Variants in DCAF5 observed in about 807,000 individuals in gnomAD.
DCAF5 encodes the protein DDB1 and CUL4 associated factor 5.
Under a neutral mutation model 80.7 loss-of-function variants are expected in DCAF5, and 9 were observed. The ratio of observed to expected loss-of-function variants is 0.11; its 90% CI spans 0.07 to 0.19. The LOEUF is 0.19. Among genes scored for constraint, DCAF5 ranks in the 10% least tolerant of loss-of-function variants. DCAF5 has a pLI of 1.00. For synonymous variants in DCAF5, 433 were observed against 461.9 expected, an observed-to-expected ratio of 0.94 and a Z score of 0.80; for missense variants, 842 against 1,205.7, an observed-to-expected ratio of 0.70 and a Z score of 4.47.
intron 6 of DCAF5, among the ~76,000 whole-genome samples, chr14:69,077,588 G>A (rs901823440): frequency 2.6e-5 from 4 of 151,966 alleles, no homozygotes; most frequent in Admixed American, 2.0e-4. Flanking sequence ...CCATTGCCCA[G>A]GCTGGTCTCA....
intron 6 of DCAF5, chr14:69,083,811 T>C: frequency 1.4e-6 from 1 of 716,394 alleles, no homozygotes; most frequent in Non-Finnish European, 2.6e-6. Context: ...GTGCCAAGTC[T>C]CCTAAAGAAA....
At chr14:69,070,281 T>C (rs1233275993) in intron 7 of DCAF5, among the ~76,000 whole-genome samples, 1 of 152,198 alleles carries the variant, frequency 6.6e-6, no homozygotes, top group Non-Finnish European at 1.5e-5. Context: ...CCTACCAACC[T>C]TTCCCACACA....
chr14:69,098,676 G>T (rs573090481), intron 5 of DCAF5, among the ~76,000 whole-genome samples: 1 of 136,772 alleles, frequency 7.3e-6, no homozygotes, highest in East Asian at 2.2e-4. Flanking sequence ...GAGGTCAGGA[G>T]ATCAAGACCA....
chr14:69,129,830 G>A (rs978500971), intron 1 of DCAF5, among the ~76,000 whole-genome samples: 8 of 152,206 alleles, frequency 5.3e-5, no homozygotes, highest in Non-Finnish European at 8.8e-5. Context: ...AAGACAAGCA[G>A]AGGCCAGGCC....
At chr14:69,138,822 A>G (rs1334626299) in intron 1 of DCAF5, among the ~76,000 whole-genome samples, 7 of 152,156 alleles carry the variant, frequency 4.6e-5, no homozygotes, top group African/African-American at 1.7e-4. Context: ...CAGGACTCCA[A>G]CCAGATCACT....
chr14:69,069,621 TTTCG>T, intron 7 of DCAF5, among the ~76,000 whole-genome samples: 1 of 152,252 alleles, frequency 6.6e-6, no homozygotes, highest in East Asian at 1.9e-4. Flanking sequence ...TCTTTCTTTC[TTTCG>T]TTCTTTTCTT....
chr14:69,059,787 C>T (rs1468913349), intron 8 of DCAF5, among the ~76,000 whole-genome samples: 2 of 152,190 alleles, frequency 1.3e-5, no homozygotes, highest in East Asian at 3.8e-4. Flanking sequence ...TCACTATGAT[C>T]ATCTGTACAT....
Position 69,051,217 on chromosome 14 carries a change from A to C in DCAF5, c.*2640T>G, listed in dbSNP as rs2037749569. The stretch of plus-strand genomic sequence containing the variant: ...TGTACAGAATGCAGGAAAAAAACAT[A>C]AGAGGCACTTCCAAATAGTTCTTGA... On this transcript the variant is annotated 3_prime_UTR_variant, in exon 9 of 9. Transcript: ENST00000341516. 1 of 152,670 alleles carries C rather than the reference A, an allele frequency of 6.6e-6. No individual in the cohort carries two copies. Among genetic ancestry groups the C allele is most frequent in the African/African-American group, 2.4e-5 (1 of 41,454 alleles). The allele number at this position is 152,670 out of a possible 1,614,324, so 9.5% of individuals were successfully genotyped here.
chr14:69,130,271 G>T (rs2041001730), intron 1 of DCAF5, among the ~76,000 whole-genome samples: 1 of 152,138 alleles, frequency 6.6e-6, no homozygotes, highest in African/African-American at 2.4e-5. Flanking sequence ...AGCCAAAGAA[G>T]AATAATTTAA....
At chr14:69,119,140 C>T in intron 3 of DCAF5, 54 bp downstream of exon 3, 1 of 1,582,682 alleles carries the variant, frequency 6.3e-7, no homozygotes, top group Admixed American at 1.8e-5. Context: ...ATATTTGCCT[C>T]TTCATATATG....
At chr14:69,068,182 T>C (rs886551734) in intron 7 of DCAF5, among the ~76,000 whole-genome samples, 3 of 152,224 alleles carry the variant, frequency 2.0e-5, no homozygotes, top group Non-Finnish European at 2.9e-5. Flanking sequence ...CTCTGTTATA[T>C]TGGAAGCTCT....
At chr14:69,070,722 T>C (rs1241619414) in intron 7 of DCAF5, among the ~76,000 whole-genome samples, 1 of 152,204 alleles carries the variant, frequency 6.6e-6, no homozygotes, top group South Asian at 2.1e-4. Context: ...CATATTCCAA[T>C]GGACTTCTTC....
chr14:69,057,188 A>C (rs1041241231), intron 8 of DCAF5, among the ~76,000 whole-genome samples: 2 of 152,192 alleles, frequency 1.3e-5, no homozygotes, highest in Non-Finnish European at 2.9e-5. Context: ...ACCATAAAAT[A>C]AGCAGAATAA....
chr14:69,118,574 G>A lies in DCAF5; in HGVS notation c.396-296C>T, dbSNP rs2040610743. On this transcript the variant is annotated intron_variant, in intron 3 of 8. Transcript: ENST00000341516. The surrounding 1 kb of genome is among the most constrained non-coding windows in gnomAD (Gnocchi z 4.0). ...CATTTATTACAGAATGCATCTGCTT[G>A]TGTACAGATTTGGGGGTCATACTTG... Among the ~76,000 whole-genome samples the A allele has an allele frequency of 6.6e-6, 1 of 152,150 alleles. No individual in the cohort carries two copies. The highest frequency in any genetic ancestry group is 1.5e-5 in the Non-Finnish European group (1 of 68,020).
In DCAF5 at chr14:69,054,728, A is replaced by T. The variant is rs1389143714; in HGVS notation, c.1958T>A (p.Ile653Lys). ...ATAAATTTTTCGCTCAACTGATTCT[A>T]TGTCAGAAGTTGGTGATGCCCGGCT... ...QPSRASPTSD[I>K]ESVERKIYKA... Residue 653 changes from isoleucine to lysine, a missense_variant, in exon 9 of 9, where the codon ATA becomes AAA. Transcript: ENST00000341516. 1.2e-6 allele frequency: 2 copies of T among 1,614,116 alleles called. No homozygotes were observed.
chr14:69,102,107 C>CTTTT (rs141874345), intron 5 of DCAF5, among the ~76,000 whole-genome samples: 2 of 133,026 alleles, frequency 1.5e-5, no homozygotes, highest in Non-Finnish European at 1.6e-5. Context: ...TTTACTATAA[C>CTTTT]TTTTTTTTTT....
intron 6 of DCAF5, among the ~76,000 whole-genome samples, chr14:69,076,014 T>C (rs1464360977): frequency 2.6e-5 from 4 of 151,594 alleles, no homozygotes; most frequent in Non-Finnish European, 5.9e-5. Context: ...TACAAATGGC[T>C]AGTAAGTATA....
intron 8 of DCAF5, among the ~76,000 whole-genome samples, chr14:69,057,849 G>A (rs2038036459): frequency 2.0e-5 from 3 of 152,264 alleles, no homozygotes; most frequent in Middle Eastern, 3.4e-3. Context: ...CAGACACACA[G>A]TACAGCACTT....
At chr14:69,142,701 T>C (rs1430127287) in intron 1 of DCAF5, among the ~76,000 whole-genome samples, 1 of 152,210 alleles carries the variant, frequency 6.6e-6, no homozygotes, top group Non-Finnish European at 1.5e-5. Context: ...AGCACTTTAT[T>C]CTGAAGCACA....
Sources: gnomAD v4.1 joint callset for allele counts (sites outside exome capture counted in the v4.1 genomes callset) on GRCh38, gnomAD v4.1.1 for gene constraint, Gnocchi (gnomAD v3.1) non-coding constraint, MANE v1.5 for transcripts, NCBI Gene and HGNC (gene_info 2026-07-23, HGNC 2026-07-21) for gene names.